Variants in FGF9 observed in about 807,000 individuals in gnomAD.
FGF9 encodes fibroblast growth factor 9 (glia-activating factor).
FGF9 carries 3 observed loss-of-function variants against 19.9 expected under a neutral mutation model. The observed-to-expected ratio is 0.15, with a 90% CI of 0.07 to 0.39. The LOEUF (loss-of-function observed/expected upper bound fraction) is 0.39. Among genes scored for constraint, FGF9 ranks in the 10% least tolerant of loss-of-function variants. The pLI, the probability that FGF9 is intolerant of heterozygous loss-of-function variation, is 1.00. For synonymous variants in FGF9, 107 were observed against 106.9 expected, an observed-to-expected ratio of 1.00 and a Z score of -0.01; for missense variants, 175 against 256.8, an observed-to-expected ratio of 0.68 and a Z score of 2.18.
intron 1 of FGF9, among the ~76,000 whole-genome samples, chr13:21,677,134 C>T (rs1324465661): frequency 3.3e-5 from 5 of 152,122 alleles, no homozygotes; most frequent in Non-Finnish European, 5.9e-5. Flanking sequence ...GAAATGACAG[C>T]AGTCATCGAC....
At chr13:21,684,491 G>A (rs866030848) in intron 2 of FGF9, among the ~76,000 whole-genome samples, 2 of 152,260 alleles carry the variant, frequency 1.3e-5, no homozygotes, top group African/African-American at 4.8e-5. Flanking sequence ...TATGGCTGCT[G>A]TGTACTTAGG....
At chr13:21,674,634 C>T (rs1424595622) in intron 1 of FGF9, among the ~76,000 whole-genome samples, 1 of 151,950 alleles carries the variant, frequency 6.6e-6, no homozygotes, top group Non-Finnish European at 1.5e-5. Context: ...TGCAGCACGA[C>T]TGGGCCCTGG....
intron 2 of FGF9, among the ~76,000 whole-genome samples, chr13:21,698,452 C>T (rs1391016561): frequency 1.3e-5 from 2 of 152,196 alleles, no homozygotes; most frequent in Admixed American, 1.3e-4. Flanking sequence ...ACAACCCTGC[C>T]TCAAGACACT....
intron 1 of FGF9, among the ~76,000 whole-genome samples, chr13:21,679,782 C>CA (rs760146847): frequency 0.14 from 7,211 of 52,432 alleles, 225 homozygotes; most frequent in Middle Eastern, 0.27. Context: ...ACTAAAAATA[C>CA]AAAAAAAAAA....
intron 1 of FGF9, among the ~76,000 whole-genome samples, chr13:21,675,320 G>T (rs1302867104): frequency 6.6e-6 from 1 of 152,110 alleles, no homozygotes; most frequent in African/African-American, 2.4e-5. Flanking sequence ...CAGCAGTGCC[G>T]CGGTCTCCCG....
rs140060343 is a variant in FGF9, at chr13:21,676,659, G to A, written c.278-4383G>A. ...TGAGCAGGAAGCTCTGCAGGGAAGA[G>A]GCTTAATCATTAATTTTCTGCAGCC... is the stretch of plus-strand genomic sequence containing the variant. On this transcript the variant is annotated intron_variant, in intron 1 of 2. Transcript: ENST00000382353. Among the ~76,000 whole-genome samples the A allele has an allele frequency of 1.2e-3, 176 of 152,338 alleles. 2 individuals are homozygous for A. Among genetic ancestry groups the A allele is most frequent in the Middle Eastern group, 3.4e-3 (1 of 294 alleles).
rs1871786752 is a variant in FGF9, at chr13:21,672,269, G to A, written c.277+80G>A. 6.6e-6 allele frequency: 10 copies of A among 1,513,302 alleles called. No individual in the cohort carries two copies. The South Asian group carries it at 1.0e-4, about 15-fold the overall frequency. The allele number at this position is 1,513,302 out of a possible 1,614,324, so 93.7% of individuals were successfully genotyped here. On this transcript the variant is annotated intron_variant, in intron 1 of 2. Coordinates refer to ENST00000382353, the MANE Select transcript of FGF9 (RefSeq NM_002010.3). This position sits in a 1 kb window ranked among gnomAD's most constrained non-coding sequence, Gnocchi z 4.2. Reference sequence around the variant, plus strand: ...CTACCAAGAAGGTGGTGGCCGGGTGGGGGACGTGGGAAGGGTTCTCCCCTC... The same window carrying A: ...CTACCAAGAAGGTGGTGGCCGGGTGAGGGACGTGGGAAGGGTTCTCCCCTC...
At chr13:21,676,972 G>A (rs1871930886) in intron 1 of FGF9, among the ~76,000 whole-genome samples, 1 of 152,206 alleles carries the variant, frequency 6.6e-6, no homozygotes, top group South Asian at 2.1e-4. Context: ...GGGGCAATGA[G>A]GAAGGTCCGG....
rs1872594056 is a variant in FGF9 at position 21,703,677 on chromosome 13, G to C, written c.*2242G>C. The C allele has an allele frequency of 6.6e-6, 1 of 152,014 alleles. No homozygotes were observed. Among genetic ancestry groups the C allele is most frequent in the Non-Finnish European group, 1.5e-5 (1 of 68,010 alleles). The allele number at this position is 152,014 out of a possible 1,614,324, so 9.4% of individuals were successfully genotyped here. A position where few individuals can be genotyped will look rare whatever the true frequency, so the allele number is the denominator to read the frequency against. On this transcript the variant is annotated 3_prime_UTR_variant, in exon 3 of 3. Coordinates refer to ENST00000382353, the MANE Select transcript of FGF9 (RefSeq NM_002010.3). ...AAAATATTAAACATTTGACCACAGG[G>C]AAGAATCAAGTTTCTAGGATGTCAT...
At chr13:21,693,396 G>T (rs541595308) in intron 2 of FGF9, among the ~76,000 whole-genome samples, 1 of 152,164 alleles carries the variant, frequency 6.6e-6, no homozygotes, top group East Asian at 1.9e-4. Context: ...GTGCTGAGGG[G>T]ACATGGGCAT....
intron 2 of FGF9, among the ~76,000 whole-genome samples, chr13:21,697,284 G>A (rs1172484968): frequency 6.6e-6 from 1 of 152,110 alleles, no homozygotes; most frequent in Non-Finnish European, 1.5e-5. Context: ...GTGTAGCTTG[G>A]ACTACAGGTG....
chr13:21,678,832 G>A (rs1353946011), intron 1 of FGF9, among the ~76,000 whole-genome samples: 2 of 152,118 alleles, frequency 1.3e-5, no homozygotes, highest in Admixed American at 6.5e-5. Flanking sequence ...ATCTTACGAC[G>A]AAAATTGAAC....
intron 1 of FGF9, among the ~76,000 whole-genome samples, chr13:21,676,384 G>A (rs779671194): frequency 1.4e-4 from 22 of 152,238 alleles, no homozygotes; most frequent in Admixed American, 2.6e-4. Flanking sequence ...CTTATTTCCA[G>A]GGTTTTGAAC....
chr13:21,686,324 T>C (rs576920615), intron 2 of FGF9, among the ~76,000 whole-genome samples: 31 of 152,330 alleles, frequency 2.0e-4, no homozygotes, highest in African/African-American at 7.2e-4. Context: ...CCCCCATGCT[T>C]GGCTTTCAAG....
At chr13:21,673,162 A>G (rs1871811231) in intron 1 of FGF9, among the ~76,000 whole-genome samples, 1 of 152,162 alleles carries the variant, frequency 6.6e-6, no homozygotes, top group Non-Finnish European at 1.5e-5. Flanking sequence ...TTAAAAAAAA[A>G]AAAATAAGCG....
At chr13:21,683,753 G>A (rs1325183509) in intron 2 of FGF9, among the ~76,000 whole-genome samples, 4 of 152,218 alleles carry the variant, frequency 2.6e-5, no homozygotes, top group Non-Finnish European at 5.9e-5. Context: ...TTTCCTTGCG[G>A]AAACGTCTTC....
At chr13:21,682,656 T>A (rs1319845581) in intron 2 of FGF9, among the ~76,000 whole-genome samples, 2 of 147,932 alleles carry the variant, frequency 1.4e-5, no homozygotes, top group African/African-American at 4.9e-5. Flanking sequence ...AAACTTACAT[T>A]AAAAAAATAG....
intron 2 of FGF9, among the ~76,000 whole-genome samples, chr13:21,682,602 T>C (rs1350168054): frequency 6.6e-6 from 1 of 151,960 alleles, no homozygotes; most frequent in African/African-American, 2.4e-5. Flanking sequence ...ACAATTTTTG[T>C]GAATACCTTT....
At chr13:21,696,514 G>A (rs1167581331) in intron 2 of FGF9, among the ~76,000 whole-genome samples, 1 of 148,014 alleles carries the variant, frequency 6.8e-6, no homozygotes, top group African/African-American at 2.5e-5. Flanking sequence ...TCACTTTATA[G>A]TGGAATACTC....
Sources: allele counts gnomAD v4.1 joint callset (sites outside exome capture counted in the v4.1 genomes callset), GRCh38; gene constraint gnomAD v4.1.1; non-coding constraint Gnocchi (gnomAD v3.1); transcripts MANE v1.5; gene names NCBI Gene and HGNC (gene_info 2026-07-23, HGNC 2026-07-21).